The following GALNT13 variants were observed in gnomAD, a reference collection of about 807,000 sequenced individuals.
GALNT13 encodes UDP-GalNAc:polypeptide N-acetylgalactosaminyltransferase 13.
In GALNT13, 28 loss-of-function variants were observed where a neutral mutation model predicts 64.2. The observed-to-expected ratio is 0.44, with a 90% CI of 0.32 to 0.60. GALNT13 has a LOEUF of 0.60. Among genes scored for constraint, GALNT13 ranks in the 20% least tolerant of loss-of-function variants. The pLI, the probability that GALNT13 is intolerant of heterozygous loss-of-function variation, is 0.05. For missense variants in GALNT13, 577 were observed against 669.8 expected (o/e 0.86, Z 1.53); for synonymous variants, 214 against 224.6 (o/e 0.95, Z 0.42).
At chr2:153,606,297 T>C in the GALNT13 span, among the ~76,000 whole-genome samples, 7 of 152,094 alleles carry the variant, frequency 4.6e-5, no homozygotes, top group Non-Finnish European at 7.4e-5. Context: ...TGGGGGCCTA[T>C]TGAAGATGTC....
the GALNT13 span, among the ~76,000 whole-genome samples, chr2:153,562,356 T>G: frequency 6.6e-6 from 1 of 152,232 alleles, no homozygotes; most frequent in African/African-American, 2.4e-5. Flanking sequence ...TTTTATCCCT[T>G]TCCTCCAGGA....
intron 2 of GALNT13, among the ~76,000 whole-genome samples, chr2:153,929,304 C>T (rs1244329031): frequency 6.6e-6 from 1 of 152,174 alleles, no homozygotes; most frequent in Non-Finnish European, 1.5e-5. Context: ...CCGGCCTTAT[C>T]CCAGCCCTAC....
intron 3 of GALNT13, among the ~76,000 whole-genome samples, chr2:154,008,713 T>C (rs1391005964): frequency 6.6e-6 from 1 of 152,180 alleles, no homozygotes; most frequent in African/African-American, 2.4e-5. Flanking sequence ...GTTAGTTTGC[T>C]TAGGATAATG....
At chr2:153,211,506 T>G in the GALNT13 span, among the ~76,000 whole-genome samples, 1 of 152,204 alleles carries the variant, frequency 6.6e-6, no homozygotes, top group African/African-American at 2.4e-5. Context: ...AATGCTAAGG[T>G]AGCAGAAAAG....
At chr2:153,719,818 G>A in the GALNT13 span, among the ~76,000 whole-genome samples, 55 of 151,634 alleles carry the variant, frequency 3.6e-4, no homozygotes, top group African/African-American at 1.1e-3. Context: ...CTACGCCCAC[G>A]GAATCTCGCT....
chr2:153,555,455 A>T, the GALNT13 span, among the ~76,000 whole-genome samples: 1 of 151,046 alleles, frequency 6.6e-6, no homozygotes, highest in African/African-American at 2.4e-5. Flanking sequence ...CGGCCTCCCA[A>T]AGTGCTGGGA....
the GALNT13 span, among the ~76,000 whole-genome samples, chr2:153,093,449 G>A: frequency 6.6e-6 from 1 of 151,848 alleles, no homozygotes. Flanking sequence ...ATTGTTGCCA[G>A]GCTGGTCTCG....
chr2:153,796,454 A>C, the GALNT13 span, among the ~76,000 whole-genome samples: 5 of 152,352 alleles, frequency 3.3e-5, no homozygotes, highest in African/African-American at 1.2e-4. Flanking sequence ...GACTTGGTGA[A>C]AATGATCATG....
the GALNT13 span, among the ~76,000 whole-genome samples, chr2:153,851,987 A>T: frequency 2.0e-5 from 3 of 152,176 alleles, no homozygotes; most frequent in Non-Finnish European, 4.4e-5. Flanking sequence ...AAGGTGAGAC[A>T]TGATAAGTTA....
Position 154,204,264 on chromosome 2 carries a change from T to C in GALNT13, c.312-37766T>C, listed in dbSNP as rs141706064. Reference sequence around the variant, plus strand: ...CTCAATATATTACCCTATTTAAGTGTTTCATAGAACTTATTTTTTAATTGT... The same window carrying C: ...CTCAATATATTACCCTATTTAAGTGCTTCATAGAACTTATTTTTTAATTGT... On this transcript the variant is annotated intron_variant, in intron 4 of 12. Transcript: ENST00000392825. Among the ~76,000 whole-genome samples, 353 of 152,318 alleles carry C rather than the reference T, an allele frequency of 2.3e-3. 3 individuals carry two copies. The highest frequency in any genetic ancestry group is 8.0e-3 in the African/African-American group (334 of 41,582).
the GALNT13 span, among the ~76,000 whole-genome samples, chr2:153,589,850 C>T: frequency 6.6e-6 from 1 of 152,108 alleles, no homozygotes; most frequent in African/African-American, 2.4e-5. Context: ...CATGAGAATT[C>T]AAGATGAGCA....
chr2:154,237,805 T>C (rs1022537995), intron 4 of GALNT13, among the ~76,000 whole-genome samples: 20 of 151,752 alleles, frequency 1.3e-4, no homozygotes, highest in African/African-American at 4.8e-4. Context: ...AGTTTAATTG[T>C]CATTCACTAT....
At chr2:154,234,330 A>G (rs2105852812) in intron 4 of GALNT13, among the ~76,000 whole-genome samples, 1 of 152,296 alleles carries the variant, frequency 6.6e-6, no homozygotes, top group Non-Finnish European at 1.5e-5. Context: ...ATATCATTCC[A>G]TTATAATTTC....
chr2:153,461,448 C>T, the GALNT13 span, among the ~76,000 whole-genome samples: 1 of 151,924 alleles, frequency 6.6e-6, no homozygotes. Flanking sequence ...GGGTCAAAGC[C>T]AGATTAAGCC....
chr2:153,789,914 G>A, the GALNT13 span, among the ~76,000 whole-genome samples: 1 of 152,004 alleles, frequency 6.6e-6, no homozygotes. Context: ...GACCAATAAT[G>A]AGCTCCAAAA....
chr2:153,327,141 T>C, the GALNT13 span, among the ~76,000 whole-genome samples: 8 of 152,276 alleles, frequency 5.3e-5, no homozygotes, highest in African/African-American at 1.9e-4. Flanking sequence ...CACTCTCTTT[T>C]GACTTACAGG....
chr2:153,823,023 C>T, the GALNT13 span, among the ~76,000 whole-genome samples: 1 of 152,200 alleles, frequency 6.6e-6, no homozygotes, highest in Middle Eastern at 3.4e-3. Context: ...TCATTTACAA[C>T]TGGCACACAC....
At chr2:154,330,294 A>C (rs1695097372) in intron 9 of GALNT13, among the ~76,000 whole-genome samples, 1 of 152,148 alleles carries the variant, frequency 6.6e-6, no homozygotes, top group African/African-American at 2.4e-5. Flanking sequence ...TGTCGAGTCC[A>C]GGAAATCCAT....
At chr2:153,267,360 A>G in the GALNT13 span, among the ~76,000 whole-genome samples, 2 of 152,112 alleles carry the variant, frequency 1.3e-5, no homozygotes, top group Admixed American at 6.5e-5. Context: ...TAAGGGCTTG[A>G]CCCCTGCAGC....
Sources: gnomAD v4.1 joint callset for allele counts (sites outside exome capture counted in the v4.1 genomes callset) on GRCh38, gnomAD v4.1.1 for gene constraint, MANE v1.5 for transcripts, NCBI Gene and HGNC (gene_info 2026-07-23, HGNC 2026-07-21) for gene names.